Variants in ZMAT4 observed in about 807,000 individuals in gnomAD.
ZMAT4 encodes the protein zinc finger matrin-type protein 4.
ZMAT4 carries 17 observed loss-of-function variants against 28.7 expected under a neutral mutation model. The observed-to-expected ratio is 0.59, with a 90% CI of 0.41 to 0.89. ZMAT4 has a LOEUF of 0.89. ZMAT4 is among the 40% of genes least tolerant of loss of function. ZMAT4 has a pLI of 0.00. For missense variants in ZMAT4, 240 were observed against 283.8 expected (o/e 0.85, Z 1.11); for synonymous variants, 117 against 109.2 (o/e 1.07, Z -0.44).
chr8:40,655,634 A>T (rs1178526211), intron 5 of ZMAT4, among the ~76,000 whole-genome samples: 2 of 152,054 alleles, frequency 1.3e-5, no homozygotes, highest in African/African-American at 4.8e-5. Flanking sequence ...AATAGAATTG[A>T]TAGGCCAGAA....
intron 2 of ZMAT4, among the ~76,000 whole-genome samples, chr8:40,814,794 A>G (rs1815465144): frequency 6.6e-6 from 1 of 152,202 alleles, no homozygotes; most frequent in Non-Finnish European, 1.5e-5. Flanking sequence ...CACATACTAT[A>G]CTTTTCATAG....
chr8:40,660,652 A>G (rs180759748), intron 5 of ZMAT4, among the ~76,000 whole-genome samples: 64 of 152,312 alleles, frequency 4.2e-4, no homozygotes, highest in African/African-American at 1.4e-3. Flanking sequence ...AGAGTCATAC[A>G]AAGGTTTCAG....
chr8:40,579,424 T>C (rs778520583), intron 6 of ZMAT4, among the ~76,000 whole-genome samples: 2 of 152,150 alleles, frequency 1.3e-5, no homozygotes, highest in Admixed American at 6.6e-5. Context: ...ATGAGCAGTA[T>C]CCGATAATTA....
At chr8:40,723,002 G>A (rs1343483590) in intron 3 of ZMAT4, among the ~76,000 whole-genome samples, 1 of 152,266 alleles carries the variant, frequency 6.6e-6, no homozygotes, top group South Asian at 2.1e-4. Flanking sequence ...CCACCCCATT[G>A]TAACTGGAAT....
At chr8:40,571,965 A>G (rs1170289761) in intron 6 of ZMAT4, among the ~76,000 whole-genome samples, 1 of 152,208 alleles carries the variant, frequency 6.6e-6, no homozygotes, top group Non-Finnish European at 1.5e-5. Flanking sequence ...TCAGTAAACT[A>G]CATTGAAAAT....
At chr8:40,595,488 T>G (rs1489911485) in intron 5 of ZMAT4, among the ~76,000 whole-genome samples, 1 of 152,112 alleles carries the variant, frequency 6.6e-6, no homozygotes, top group African/African-American at 2.4e-5. Context: ...TGTACTTACA[T>G]AAACCTACAT....
intron 3 of ZMAT4, among the ~76,000 whole-genome samples, chr8:40,764,270 A>C (rs1813055041): frequency 6.6e-6 from 1 of 152,198 alleles, no homozygotes; most frequent in Non-Finnish European, 1.5e-5. Context: ...GGGGGAAAAA[A>C]AATGTAAGAT....
rs1812613697 is a variant in ZMAT4, at chr8:40,754,914, T to C, written c.192+12727A>G. 2.0e-5 allele frequency among the ~76,000 whole-genome samples: 3 copies of C among 152,126 alleles called. No homozygotes were observed. In the South Asian group the frequency reaches 6.2e-4, roughly 32 times the overall value. ...TGATGCATGCCTGTGGTCTGCGTAA[T>C]TTGGAGACTCAGGTGGGAGGATCAC... On this transcript the variant is annotated intron_variant, in intron 3 of 6. Coordinates refer to ENST00000297737, the MANE Select transcript of ZMAT4 (RefSeq NM_024645.3).
At chr8:40,606,155 A>G (rs1215601118) in intron 5 of ZMAT4, among the ~76,000 whole-genome samples, 2 of 152,180 alleles carry the variant, frequency 1.3e-5, no homozygotes, top group African/African-American at 4.8e-5. Context: ...TTAGTGGAGC[A>G]TTTAGGCCAT....
intron 6 of ZMAT4, among the ~76,000 whole-genome samples, chr8:40,567,261 G>T (rs1803952559): frequency 6.6e-6 from 1 of 152,036 alleles, no homozygotes; most frequent in African/African-American, 2.4e-5. Context: ...AGATTTTTCT[G>T]TTACTCTAAA....
intron 2 of ZMAT4, among the ~76,000 whole-genome samples, chr8:40,819,798 C>T (rs1174909166): frequency 6.6e-6 from 1 of 152,042 alleles, no homozygotes; most frequent in East Asian, 1.9e-4. Context: ...TCAGTACCTT[C>T]TTCCTTTGGC....
intron 5 of ZMAT4, among the ~76,000 whole-genome samples, chr8:40,645,917 C>T (rs1477056330): frequency 6.6e-6 from 1 of 151,926 alleles, no homozygotes; most frequent in East Asian, 1.9e-4. Flanking sequence ...CAAAGTGATA[C>T]ACAGATAATA....
At position 40,601,634 on chromosome 8, in the gene ZMAT4, GAGA is replaced by G. The variant is rs1244272499; in HGVS notation, c.578-20376_578-20374del. Among the ~76,000 whole-genome samples, 13 of 26,890 alleles carry G rather than the reference GAGA, an allele frequency of 4.8e-4. 1 individual carries two copies. In the South Asian group the frequency reaches 0.011, roughly 24 times the overall value. The allele number at this position is 26,890 out of a possible 152,430, so 17.6% of individuals were successfully genotyped here. Reference sequence around the variant, plus strand: ...AGAAAGAAAGAAAGAAAGAAAGAAAGAGAAAGAAAGAAAGAAAGAAAGAAAGAA... The same window carrying G: ...AGAAAGAAAGAAAGAAAGAAAGAAAGAAGAAAGAAAGAAAGAAAGAAAGAA... On this transcript the variant is annotated intron_variant, in intron 5 of 6. Transcript: ENST00000297737.
At chr8:40,790,290 T>C (rs1392139639) in intron 2 of ZMAT4, among the ~76,000 whole-genome samples, 1 of 152,248 alleles carries the variant, frequency 6.6e-6, no homozygotes, top group East Asian at 1.9e-4. Context: ...CTTCTAGATC[T>C]AATTGGTAGG....
intron 6 of ZMAT4, among the ~76,000 whole-genome samples, chr8:40,569,413 G>T (rs1290242677): frequency 6.6e-6 from 1 of 152,166 alleles, no homozygotes; most frequent in Non-Finnish European, 1.5e-5. Context: ...GCTATAGATA[G>T]TTTACAAATG....
intron 1 of ZMAT4, among the ~76,000 whole-genome samples, chr8:40,853,309 C>T (rs569357828): frequency 9.7e-4 from 147 of 152,302 alleles, no homozygotes; most frequent in African/African-American, 3.3e-3. Flanking sequence ...GTAATCCCAG[C>T]ACTTTGGGAG....
intron 5 of ZMAT4, among the ~76,000 whole-genome samples, chr8:40,584,943 T>C (rs944985478): frequency 6.6e-6 from 1 of 152,186 alleles, no homozygotes; most frequent in African/African-American, 2.4e-5. Flanking sequence ...CTAAAGTTAC[T>C]TTCCGATTGC....
intron 1 of ZMAT4, among the ~76,000 whole-genome samples, chr8:40,847,651 T>C (rs1463018234): frequency 1.3e-5 from 2 of 152,196 alleles, no homozygotes; most frequent in African/African-American, 4.8e-5. Context: ...CCAGCAGAGC[T>C]TGCAGATCAC....
At chr8:40,616,214 G>A (rs1462491218) in intron 5 of ZMAT4, among the ~76,000 whole-genome samples, 5 of 152,248 alleles carry the variant, frequency 3.3e-5, no homozygotes, top group East Asian at 3.9e-4. Flanking sequence ...TTAGAATGGC[G>A]ATCATTAAAA....
Sources: gnomAD v4.1 joint callset for allele counts (sites outside exome capture counted in the v4.1 genomes callset) on GRCh38, gnomAD v4.1.1 for gene constraint, MANE v1.5 for transcripts, NCBI Gene and HGNC (gene_info 2026-07-23, HGNC 2026-07-21) for gene names.